EPB41L2: variants seen among roughly 807,000 people sequenced by gnomAD.
The protein encoded by EPB41L2 is band 4.1-like protein 2.
EPB41L2 carries 43 observed loss-of-function variants against 113.0 expected under a neutral mutation model. The observed-to-expected ratio is 0.38, with a 90% CI of 0.30 to 0.49. The LOEUF (loss-of-function observed/expected upper bound fraction) is 0.49, where lower values mean the gene tolerates loss of function less well. EPB41L2 is among the 20% of genes least tolerant of loss of function. The pLI, the probability that EPB41L2 is intolerant of heterozygous loss-of-function variation, is 0.95. For missense variants in EPB41L2, 1,147 were observed against 1,223.4 expected (o/e 0.94, Z 0.93); for synonymous variants, 442 against 436.7 (o/e 1.01, Z -0.15).
chr6:130,852,313 G>A (rs1031450117), intron 19 of EPB41L2, among the ~76,000 whole-genome samples: 2 of 152,126 alleles, frequency 1.3e-5, no homozygotes, highest in South Asian at 2.1e-4. Context: ...ACATGCAGAC[G>A]ATCCAGAAAA....
chr6:130,981,765 T>G (rs773586000), intron 1 of EPB41L2, among the ~76,000 whole-genome samples: 1 of 152,114 alleles, frequency 6.6e-6, no homozygotes, highest in Non-Finnish European at 1.5e-5. Flanking sequence ...AATTGTAGCT[T>G]TATTAAAAAA....
chr6:130,904,089 A>G (rs1287941254), intron 6 of EPB41L2, among the ~76,000 whole-genome samples: 1 of 152,186 alleles, frequency 6.6e-6, no homozygotes, highest in Non-Finnish European at 1.5e-5. Context: ...CTAACCTCAT[A>G]TCATCTTTGT....
chr6:130,967,133 C>G (rs1019552130), intron 1 of EPB41L2, among the ~76,000 whole-genome samples: 3 of 151,902 alleles, frequency 2.0e-5, no homozygotes, highest in Non-Finnish European at 4.4e-5. Context: ...CCACAGATAC[C>G]CAAATCCACA....
rs550148974 is a variant in EPB41L2, at chr6:130,934,393, C to T, written c.706-7684G>A. On this transcript the variant is annotated intron_variant, in intron 3 of 19. Transcript: ENST00000337057. ...AGTTTGAAAACGTTTTTTCCAAATA[C>T]TCAAAAAAGATACATATTATATATA... Among the ~76,000 whole-genome samples, 131 of 152,138 alleles carry T rather than the reference C, an allele frequency of 8.6e-4. 1 individual carries two copies. Among genetic ancestry groups the T allele is most frequent in the African/African-American group, 2.9e-3 (122 of 41,516 alleles).
At chr6:130,962,873 T>C (rs1773949919) in intron 1 of EPB41L2, among the ~76,000 whole-genome samples, 1 of 152,074 alleles carries the variant, frequency 6.6e-6, no homozygotes, top group South Asian at 2.1e-4. Flanking sequence ...CATGGTAGTC[T>C]CCCACCCCTT....
chr6:131,023,203 T>C (rs1789919603), intron 1 of EPB41L2, among the ~76,000 whole-genome samples: 1 of 152,256 alleles, frequency 6.6e-6, no homozygotes, highest in African/African-American at 2.4e-5. Context: ...ATGTGACTAC[T>C]ATGTAATAAA....
At chr6:130,976,055 C>T (rs1332925901) in intron 1 of EPB41L2, among the ~76,000 whole-genome samples, 1 of 151,164 alleles carries the variant, frequency 6.6e-6, no homozygotes, top group Non-Finnish European at 1.5e-5. Flanking sequence ...AAACAAAACT[C>T]TTTTTTTTTA....
At chr6:130,932,618 T>C (rs1418746231) in intron 3 of EPB41L2, among the ~76,000 whole-genome samples, 1 of 151,706 alleles carries the variant, frequency 6.6e-6, no homozygotes, top group Non-Finnish European at 1.5e-5. Context: ...ATGAAGCCTG[T>C]TCCAATCTCT....
intron 8 of EPB41L2, among the ~76,000 whole-genome samples, chr6:130,896,680 C>T (rs1045274037): frequency 1.3e-5 from 2 of 152,108 alleles, no homozygotes; most frequent in African/African-American, 4.8e-5. Context: ...TGAATAGAAA[C>T]GACAGATGAA....
intron 1 of EPB41L2, among the ~76,000 whole-genome samples, chr6:130,975,111 C>T (rs1269200300): frequency 6.6e-6 from 1 of 151,992 alleles, no homozygotes; most frequent in Non-Finnish European, 1.5e-5. Context: ...TACTTATTTC[C>T]AATATGATTT....
At chr6:131,035,595 T>C (rs1294847563) in intron 1 of EPB41L2, among the ~76,000 whole-genome samples, 1 of 152,224 alleles carries the variant, frequency 6.6e-6, no homozygotes. Context: ...CTATTTATTG[T>C]TATCCAGAGC....
At chr6:130,903,398 TA>T (rs35123540) in intron 6 of EPB41L2, among the ~76,000 whole-genome samples, 434 of 141,856 alleles carry the variant, frequency 3.1e-3, no homozygotes, top group Non-Finnish European at 3.7e-3. Flanking sequence ...ACAAGTAGTT[TA>T]AAAAAAAAAA....
At chr6:130,923,143 T>C (rs1224791463) in intron 4 of EPB41L2, among the ~76,000 whole-genome samples, 1 of 152,152 alleles carries the variant, frequency 6.6e-6, no homozygotes, top group African/African-American at 2.4e-5. Context: ...CAATCATTCA[T>C]CAGATTGAGT....
At chr6:130,901,306 C>A in intron 6 of EPB41L2, 126 bp from the exon 7 acceptor site, 1 of 723,828 alleles carries the variant, frequency 1.4e-6, no homozygotes, top group Admixed American at 2.9e-5. Context: ...TTCATATAAA[C>A]AGCAAAAATC....
At chr6:130,948,717 AAG>A (rs1160061977) in intron 3 of EPB41L2, among the ~76,000 whole-genome samples, 1 of 152,224 alleles carries the variant, frequency 6.6e-6, no homozygotes, top group East Asian at 1.9e-4. Flanking sequence ...TAAAAGGCAG[AAG>A]AGAGTCATGA....
At chr6:130,998,050 T>C (rs1783546082) in intron 1 of EPB41L2, among the ~76,000 whole-genome samples, 1 of 152,230 alleles carries the variant, frequency 6.6e-6, no homozygotes, top group African/African-American at 2.4e-5. Context: ...AGTATTATGA[T>C]AAGCAATCTA....
chr6:131,048,092 C>A lies in EPB41L2; in HGVS notation c.-15+15063G>T, dbSNP rs1453385066. Among the ~76,000 whole-genome samples the A allele has an allele frequency of 2.1e-5, 3 of 141,340 alleles. No individual in the cohort carries two copies. In the Admixed American group the frequency reaches 2.1e-4, roughly 10 times the overall value. 92.7% of individuals were successfully genotyped at this position (141,340 alleles called of 152,430 possible). ...GGCAGAGGTTGCAGTGAGCCGAGAT[C>A]GCGCCACTGTACCTCAGGCCTGGGC... On this transcript the variant is annotated intron_variant, in intron 1 of 19. Transcript: ENST00000337057.
At chr6:131,054,471 A>C (rs1417601051) in intron 1 of EPB41L2, among the ~76,000 whole-genome samples, 2 of 151,974 alleles carry the variant, frequency 1.3e-5, no homozygotes, top group African/African-American at 2.4e-5. Flanking sequence ...TAGTTCCTCC[A>C]AGTTGGTGCA....
chr6:130,846,669 G>T (rs1271734912), intron 19 of EPB41L2, among the ~76,000 whole-genome samples: 2 of 152,114 alleles, frequency 1.3e-5, no homozygotes, highest in Non-Finnish European at 2.9e-5. Context: ...GCTCTTCTGT[G>T]GGTCCTTTAA....
Sources: gnomAD v4.1 joint callset for allele counts (sites outside exome capture counted in the v4.1 genomes callset) on GRCh38, gnomAD v4.1.1 for gene constraint, MANE v1.5 for transcripts, NCBI Gene and HGNC (gene_info 2026-07-23, HGNC 2026-07-21) for gene names.